Variants in SMIM30 observed in about 807,000 individuals in gnomAD.
SMIM30 encodes the protein long intergenic non-protein coding RNA 998.
For missense variants in SMIM30, 43 were observed against 27.6 expected, an observed-to-expected ratio of 1.56 and a Z score of -1.25; for synonymous variants, 19 against 11.5, an observed-to-expected ratio of 1.65 and a Z score of -1.31.
At position 113,118,524 on chromosome 7, in the gene SMIM30, T is replaced by C. The variant is rs1584574215; in HGVS notation, c.-124+4A>G. On this transcript the variant is annotated splice_donor_region_variant and intron_variant, in intron 1 of 2. Coordinates refer to ENST00000397764, the MANE Select transcript of SMIM30 (RefSeq NM_001352688.2). ...TATCCTTTGGAGACGAGTTCGTACA[T>C]TACCTTCTAGGAAGCAGCCATTACA... 1 of 455,952 alleles carries C rather than the reference T, an allele frequency of 2.2e-6. No homozygotes were observed. Among genetic ancestry groups the C allele is most frequent in the South Asian group, 1.5e-5 (1 of 64,560 alleles). 28.2% of individuals were successfully genotyped at this position (455,952 alleles called of 1,614,324 possible). A position where few individuals can be genotyped will look rare whatever the true frequency, so the allele number is the denominator to read the frequency against.
Position 113,117,497 on chromosome 7 carries a change from C to T in SMIM30, c.82G>A (p.Gly28Ser), listed in dbSNP as rs1057253994. 5 of 702,696 alleles carry T rather than the reference C, an allele frequency of 7.1e-6. No individual in the cohort carries two copies. Among genetic ancestry groups the T allele is most frequent in the Admixed American group, 4.0e-5 (2 of 49,988 alleles). The allele number at this position is 702,696 out of a possible 1,614,324, so 43.5% of individuals were successfully genotyped here. A position where few individuals can be genotyped will look rare whatever the true frequency, so the allele number is the denominator to read the frequency against. The part of the protein sequence containing the change: ...VLPVVEAVEA[G>S]DAIALLLGVV... ...CCTAACAAAAGGGCGATTGCATCAC[C>T]GGCTTCTACTGCTTCCACAACAGGC... The change falls in exon 3 of 3, where the codon GGT (glycine) becomes AGT (serine). Residue 28 changes from glycine (G) to serine (S), a missense_variant. Coordinates refer to ENST00000397764, the MANE Select transcript of SMIM30 (RefSeq NM_001352688.2).
At position 113,117,366 on chromosome 7, in the gene SMIM30, A is replaced by T. The variant is rs1263247191; in HGVS notation, c.*33T>A. 1 of 702,228 alleles carries T rather than the reference A, an allele frequency of 1.4e-6. No individual in the cohort carries two copies. The highest frequency in any genetic ancestry group is 2.0e-5 in the Admixed American group (1 of 49,980). 43.5% of individuals were successfully genotyped at this position (702,228 alleles called of 1,614,324 possible). On this transcript the variant is annotated 3_prime_UTR_variant, in exon 3 of 3. Coordinates refer to ENST00000397764, the MANE Select transcript of SMIM30 (RefSeq NM_001352688.2). Reference sequence around the variant, plus strand: ...TAGCCTCTAAAGCGCAAAGGTTTTCAGGGTGAGGTTTGACTCAGTAGGCCT... The same window carrying T: ...TAGCCTCTAAAGCGCAAAGGTTTTCTGGGTGAGGTTTGACTCAGTAGGCCT...
chr7:113,116,954 A>C lies in SMIM30; in HGVS notation c.*445T>G. ...TTTCCTTTTTGCCTGACTCTCTGAT[A>C]TCTAAATATAATATTAACTTGGGAG... is the stretch of plus-strand genomic sequence containing the variant. On this transcript the variant is annotated 3_prime_UTR_variant, in exon 3 of 3. Coordinates refer to ENST00000397764, the MANE Select transcript of SMIM30 (RefSeq NM_001352688.2). 6.4e-6 allele frequency: 1 copy of C among 156,592 alleles called. No individual in the cohort carries two copies. The highest frequency in any genetic ancestry group is 1.4e-5 in the Non-Finnish European group (1 of 70,510). 9.7% of individuals were successfully genotyped at this position (156,592 alleles called of 1,614,324 possible). A position where few individuals can be genotyped will look rare whatever the true frequency, so the allele number is the denominator to read the frequency against.
chr7:113,117,515 C>T lies in SMIM30; in HGVS notation c.64G>A (p.Val22Met). The T allele has an allele frequency of 2.8e-6, 2 of 702,834 alleles. No homozygotes were observed. Among genetic ancestry groups the T allele is most frequent in the Non-Finnish European group, 5.2e-6 (2 of 384,894 alleles). The allele number at this position is 702,834 out of a possible 1,614,324, so 43.5% of individuals were successfully genotyped here. A position where few individuals can be genotyped will look rare whatever the true frequency, so the allele number is the denominator to read the frequency against. The change falls in exon 3 of 3, where the codon GTG becomes ATG. Residue 22 changes from valine to methionine, a missense_variant. Coordinates refer to ENST00000397764, the MANE Select transcript of SMIM30 (RefSeq NM_001352688.2). ...LMSLLLVLPV[V>M]EAVEAGDAIA... ...GCATCACCGGCTTCTACTGCTTCCA[C>T]AACAGGCAGCACCAAAAGCAGTGAC...
At chr7:113,117,686 A>G (rs921445638) in intron 2 of SMIM30, 79 bp from the exon 3 acceptor site, 1 of 684,608 alleles carries the variant, frequency 1.5e-6, no homozygotes, top group Non-Finnish European at 2.7e-6. Flanking sequence ...CACATGACAA[A>G]TAACAGGCCA....
rs1377126367 is a variant in SMIM30 at position 113,118,544 on chromosome 7, A to G, written c.-140T>C. 1 of 455,480 alleles carries G rather than the reference A, an allele frequency of 2.2e-6. No individual in the cohort carries two copies. The highest frequency in any genetic ancestry group is 2.0e-5 in the African/African-American group (1 of 50,044). 28.2% of individuals were successfully genotyped at this position (455,480 alleles called of 1,614,324 possible). Reference sequence around the variant, plus strand: ...GTACATTACCTTCTAGGAAGCAGCCATTACAGGAATGGCGAGGAGGGCGGA... The same window carrying G: ...GTACATTACCTTCTAGGAAGCAGCCGTTACAGGAATGGCGAGGAGGGCGGA... On this transcript the variant is annotated 5_prime_UTR_variant, in exon 1 of 3. The change abolishes an upstream ATG in the 5' untranslated region. Coordinates refer to ENST00000397764, the MANE Select transcript of SMIM30 (RefSeq NM_001352688.2).
chr7:113,116,906 GT>G lies in SMIM30; in HGVS notation c.*492del, dbSNP rs1271399597. The G allele has an allele frequency of 2.0e-5, 3 of 153,714 alleles. No individual in the cohort carries two copies. The highest frequency in any genetic ancestry group is 4.3e-5 in the Non-Finnish European group (3 of 69,284). 9.5% of individuals were successfully genotyped at this position (153,714 alleles called of 1,614,324 possible). A position where few individuals can be genotyped will look rare whatever the true frequency, so the allele number is the denominator to read the frequency against. On this transcript the variant is annotated 3_prime_UTR_variant, in exon 3 of 3. Coordinates refer to ENST00000397764, the MANE Select transcript of SMIM30 (RefSeq NM_001352688.2). ...ATACACTGAATACATTTTTCTAAAT[GT>G]TTTTTCCCTAGAGATAAAAGTTTTC...
At position 113,117,303 on chromosome 7, in the gene SMIM30, C is replaced by T; in HGVS notation, c.*96G>A. 2 of 646,484 alleles carry T rather than the reference C, an allele frequency of 3.1e-6. No homozygotes were observed. The highest frequency in any genetic ancestry group is 2.7e-5 in the East Asian group (1 of 36,444). 40.0% of individuals were successfully genotyped at this position (646,484 alleles called of 1,614,324 possible). On this transcript the variant is annotated 3_prime_UTR_variant, in exon 3 of 3. Transcript: ENST00000397764. The stretch of plus-strand genomic sequence containing the variant: ...GAAAAATGTGAAACTCCCTTATTTA[C>T]TGATTCTTGGAACCTTTCACACACC...
chr7:113,117,069 G>A lies in SMIM30; in HGVS notation c.*330C>T, dbSNP rs1794692085. 1 of 270,824 alleles carries A rather than the reference G, an allele frequency of 3.7e-6. No homozygotes were observed. The highest frequency in any genetic ancestry group is 2.2e-5 in the African/African-American group (1 of 45,466). The allele number at this position is 270,824 out of a possible 1,614,324, so 16.8% of individuals were successfully genotyped here. On this transcript the variant is annotated 3_prime_UTR_variant, in exon 3 of 3. Transcript: ENST00000397764. ...AACAGTGGTGATTTCCTAAGATTCTGGGCAAGAACTTCCTTCTTCCTATTT... is the reference window on the plus strand; with the variant it reads ...AACAGTGGTGATTTCCTAAGATTCTAGGCAAGAACTTCCTTCTTCCTATTT...
chr7:113,117,152 T>C lies in SMIM30; in HGVS notation c.*247A>G. 2.2e-6 allele frequency: 1 copy of C among 448,824 alleles called. No homozygotes were observed. The highest frequency in any genetic ancestry group is 4.1e-6 in the Non-Finnish European group (1 of 245,498). The allele number at this position is 448,824 out of a possible 1,614,324, so 27.8% of individuals were successfully genotyped here. A position where few individuals can be genotyped will look rare whatever the true frequency, so the allele number is the denominator to read the frequency against. ...ATATTACTTATGTAAATTTCAGCCATCTTACTTCTTTGACTACCTAACTAG... is the reference window on the plus strand; with the variant it reads ...ATATTACTTATGTAAATTTCAGCCACCTTACTTCTTTGACTACCTAACTAG... On this transcript the variant is annotated 3_prime_UTR_variant, in exon 3 of 3. Transcript: ENST00000397764.
chr7:113,117,205 ATTAT>A lies in SMIM30; in HGVS notation c.*190_*193del. 1.8e-6 allele frequency: 1 copy of A among 547,382 alleles called. No homozygotes were observed. The highest frequency in any genetic ancestry group is 4.9e-4 in the Middle Eastern group (1 of 2,060). The allele number at this position is 547,382 out of a possible 1,614,324, so 33.9% of individuals were successfully genotyped here. A position where few individuals can be genotyped will look rare whatever the true frequency, so the allele number is the denominator to read the frequency against. ...AATTATAGGCTGCATTTTTCTGTGCATTATTTGTTGTAAAGAAAACATTTTTTTT... is the reference window on the plus strand; with the variant it reads ...AATTATAGGCTGCATTTTTCTGTGCATTGTTGTAAAGAAAACATTTTTTTT... On this transcript the variant is annotated 3_prime_UTR_variant, in exon 3 of 3. Transcript: ENST00000397764.
intron 2 of SMIM30, 31 bp from the exon 3 acceptor site, chr7:113,117,638 C>T (rs1004362677): frequency 1.4e-6 from 1 of 699,124 alleles, no homozygotes; most frequent in Non-Finnish European, 2.6e-6. Context: ...CAAAAAGGAA[C>T]CATTAAAAAT....
chr7:113,117,865 CCAAA>C (rs902202669), intron 2 of SMIM30, 199 bp downstream of exon 2: 85 of 429,970 alleles, frequency 2.0e-4, no homozygotes, highest in Middle Eastern at 1.4e-3. Flanking sequence ...CGTGCATCAA[CCAAA>C]CAAAAATTGA....
At chr7:113,117,853 C>T (rs1584573689) in intron 2 of SMIM30, 1 of 456,496 alleles carries the variant, frequency 2.2e-6, no homozygotes, top group African/African-American at 2.0e-5. Context: ...ATGCCAACAC[C>T]TCGTGCATCA....
At position 113,118,533 on chromosome 7, in the gene SMIM30, A is replaced by T. The variant is rs982646843; in HGVS notation, c.-129T>A. 1 of 455,706 alleles carries T rather than the reference A, an allele frequency of 2.2e-6. No homozygotes were observed. The highest frequency in any genetic ancestry group is 4.4e-6 in the Non-Finnish European group (1 of 226,790). 28.2% of individuals were successfully genotyped at this position (455,706 alleles called of 1,614,324 possible). A position where few individuals can be genotyped will look rare whatever the true frequency, so the allele number is the denominator to read the frequency against. On this transcript the variant is annotated 5_prime_UTR_variant, in exon 1 of 3. The change abolishes the stop of an existing upstream ORF in the 5' untranslated region. Transcript: ENST00000397764. ...GAGACGAGTTCGTACATTACCTTCT[A>T]GGAAGCAGCCATTACAGGAATGGCG...
In SMIM30 at chr7:113,117,404, T is replaced by C. The variant is rs903210937; in HGVS notation, c.175A>G (p.Met59Val). ...ACTCAGTAGGCCTTTCAAAGTCACA[T>C]CTGTCCATTTCTTTTTCGTGCATAT... ...GVYARKRNGQ[M>V] Residue 59 changes from methionine to valine, a missense_variant, in exon 3 of 3, where the codon ATG becomes GTG. Coordinates refer to ENST00000397764, the MANE Select transcript of SMIM30 (RefSeq NM_001352688.2). 2.8e-6 allele frequency: 2 copies of C among 702,804 alleles called. No homozygotes were observed. The highest frequency in any genetic ancestry group is 2.0e-5 in the Admixed American group (1 of 49,978). The allele number at this position is 702,804 out of a possible 1,614,324, so 43.5% of individuals were successfully genotyped here.
chr7:113,117,832 T>C (rs1047067502), intron 2 of SMIM30: 1 of 492,430 alleles, frequency 2.0e-6, no homozygotes, highest in African/African-American at 1.9e-5. Flanking sequence ...ACCCAGGAAT[T>C]TTCCACGATA....
intron 2 of SMIM30, 178 bp downstream of exon 2, chr7:113,117,890 A>G (rs2272261): frequency 0.1 from 40,371 of 394,132 alleles, 2,489 homozygotes; most frequent in South Asian, 0.18. Flanking sequence ...ACAGGAGTTC[A>G]TAATTAAGAA....
intron 1 of SMIM30, 110 bp from the exon 2 acceptor site, chr7:113,118,271 G>A (rs1480265093): frequency 2.4e-6 from 1 of 420,962 alleles, no homozygotes; most frequent in Non-Finnish European, 4.7e-6. Flanking sequence ...AGAGCGTGGA[G>A]GCCATATGGA....
Sources: allele counts gnomAD v4.1 joint callset, GRCh38; gene constraint gnomAD v4.1.1; transcripts MANE v1.5; gene names NCBI Gene and HGNC (gene_info 2026-07-23, HGNC 2026-07-21).